The following STAG1 variants were observed in gnomAD, a reference collection of about 807,000 sequenced individuals.
STAG1 encodes cohesin subunit SA-1.
In STAG1, 26 loss-of-function variants were observed where a neutral mutation model predicts 170.9. The ratio of observed to expected loss-of-function variants is 0.15; its 90% CI spans 0.11 to 0.21. The LOEUF (loss-of-function observed/expected upper bound fraction) is 0.21, where lower values mean the gene tolerates loss of function less well. Among genes scored for constraint, STAG1 ranks in the 10% least tolerant of loss-of-function variants. The pLI, the probability that STAG1 is intolerant of heterozygous loss-of-function variation, is 1.00. For synonymous variants in STAG1, 514 were observed against 497.7 expected, an observed-to-expected ratio of 1.03 and a Z score of -0.44; for missense variants, 964 against 1,509.5, an observed-to-expected ratio of 0.64 and a Z score of 5.99.
intron 1 of STAG1, among the ~76,000 whole-genome samples, chr3:136,712,820 G>A (rs1943421072): frequency 6.6e-6 from 1 of 152,256 alleles, no homozygotes; most frequent in African/African-American, 2.4e-5. Flanking sequence ...GCCGGGCACG[G>A]TGGCTCATGC....
At chr3:136,714,600 C>T (rs1321250296) in intron 1 of STAG1, among the ~76,000 whole-genome samples, 2 of 151,902 alleles carry the variant, frequency 1.3e-5, no homozygotes, top group Non-Finnish European at 2.9e-5. Flanking sequence ...TGGTGGCGGG[C>T]GCCTGTAGTC....
At chr3:136,654,543 G>A (rs564795826) in intron 1 of STAG1, among the ~76,000 whole-genome samples, 3 of 152,278 alleles carry the variant, frequency 2.0e-5, no homozygotes, top group Admixed American at 1.3e-4. Flanking sequence ...CTTTTTAAAT[G>A]TATCAATACT....
intron 12 of STAG1, among the ~76,000 whole-genome samples, chr3:136,466,472 G>A (rs955616413): frequency 6.6e-5 from 10 of 152,080 alleles, no homozygotes; most frequent in South Asian, 4.1e-4. Context: ...AAAAAGAAAC[G>A]AACAAAGCCT....
At chr3:136,641,711 A>T (rs1940805039) in intron 1 of STAG1, among the ~76,000 whole-genome samples, 2 of 152,230 alleles carry the variant, frequency 1.3e-5, no homozygotes, top group African/African-American at 4.8e-5. Context: ...ACACTGGATC[A>T]TGCACCAGAA....
At chr3:136,628,903 G>A (rs534572186) in intron 2 of STAG1, among the ~76,000 whole-genome samples, 6 of 152,254 alleles carry the variant, frequency 3.9e-5, no homozygotes, top group Non-Finnish European at 8.8e-5. Context: ...ATCTAAGTAA[G>A]CCAAGAAATA....
chr3:136,418,000 TA>T (rs747128950), intron 20 of STAG1, 28 bp from the exon 21 acceptor site: 1 of 1,521,120 alleles, frequency 6.6e-7, no homozygotes, highest in Non-Finnish European at 9.1e-7. Flanking sequence ...GCATCTGTTT[TA>T]TTCTAGAATG....
At chr3:136,527,505 T>C (rs1388924531) in intron 6 of STAG1, among the ~76,000 whole-genome samples, 1 of 152,158 alleles carries the variant, frequency 6.6e-6, no homozygotes, top group African/African-American at 2.4e-5. Context: ...CAGTCTTTTT[T>C]TGGTTTTCAG....
chr3:136,699,839 C>T (rs1942999324), intron 1 of STAG1, among the ~76,000 whole-genome samples: 1 of 151,836 alleles, frequency 6.6e-6, no homozygotes, highest in South Asian at 2.1e-4. Flanking sequence ...ATATACAAAA[C>T]GATCACTTCC....
chr3:136,748,737 G>A (rs529862013), intron 1 of STAG1, among the ~76,000 whole-genome samples: 11 of 152,190 alleles, frequency 7.2e-5, no homozygotes, highest in African/African-American at 2.6e-4. Context: ...TTAAAAAGGT[G>A]TTCTTAGTGG....
At chr3:136,635,852 AAC>A (rs1353415531) in intron 1 of STAG1, among the ~76,000 whole-genome samples, 41 of 152,262 alleles carry the variant, frequency 2.7e-4, no homozygotes, top group African/African-American at 7.2e-5. Flanking sequence ...TTAAATGAAA[AAC>A]ACAGTATCAT....
intron 1 of STAG1, among the ~76,000 whole-genome samples, chr3:136,731,869 TTATCAGCTAG>T (rs1934062547): frequency 6.6e-6 from 1 of 152,202 alleles, no homozygotes; most frequent in Admixed American, 6.5e-5. Flanking sequence ...GCCTGTGCAC[TTATCAGCTAG>T]TGGAAAGCAT....
At chr3:136,747,777 ATT>A (rs755574502) in intron 1 of STAG1, among the ~76,000 whole-genome samples, 9 of 143,646 alleles carry the variant, frequency 6.3e-5, no homozygotes, top group Admixed American at 7.0e-5. Context: ...GAATTACGTA[ATT>A]TTTTTTTTTT....
chr3:136,562,174 T>C (rs1336667489), intron 5 of STAG1, among the ~76,000 whole-genome samples: 2 of 152,214 alleles, frequency 1.3e-5, no homozygotes, highest in Non-Finnish European at 2.9e-5. Context: ...AATAACGTCC[T>C]TTATGCCAAA....
At chr3:136,397,553 A>C (rs2087202646) in intron 22 of STAG1, among the ~76,000 whole-genome samples, 1 of 152,112 alleles carries the variant, frequency 6.6e-6, no homozygotes, top group South Asian at 2.1e-4. Context: ...CCCCATTTTA[A>C]TCAATGACAA....
At chr3:136,525,099 G>C (rs1934934617) in intron 6 of STAG1, among the ~76,000 whole-genome samples, 1 of 152,186 alleles carries the variant, frequency 6.6e-6, no homozygotes, top group Non-Finnish European at 1.5e-5. Flanking sequence ...TCAAGATGAT[G>C]CTGGCCTTAT....
At chr3:136,462,089 T>TG (rs1271525823) in intron 13 of STAG1, among the ~76,000 whole-genome samples, 27 of 152,086 alleles carry the variant, frequency 1.8e-4, no homozygotes, top group Admixed American at 2.6e-4. Context: ...GCTAGTACAC[T>TG]GTTGGTGGGA....
In STAG1 at chr3:136,366,923, A is replaced by G. The variant is rs1285677814; in HGVS notation, c.2685+20T>C. 28 of 1,525,808 alleles carry G rather than the reference A, an allele frequency of 1.8e-5. No homozygotes were observed. Among genetic ancestry groups the G allele is most frequent in the Non-Finnish European group, 2.5e-5 (28 of 1,127,778 alleles). The allele number at this position is 1,525,808 out of a possible 1,614,324, so 94.5% of individuals were successfully genotyped here. ...TCTGCCAGTTAGAGGAAGGAGAAAAATAAGAATATTTAACTATACCTTCAT... is the reference window on the plus strand; with the variant it reads ...TCTGCCAGTTAGAGGAAGGAGAAAAGTAAGAATATTTAACTATACCTTCAT... On this transcript the variant is annotated intron_variant, in intron 25 of 33. Coordinates refer to ENST00000383202, the MANE Select transcript of STAG1 (RefSeq NM_005862.3).
At chr3:136,388,493 T>C (rs2086925645) in intron 22 of STAG1, among the ~76,000 whole-genome samples, 1 of 152,044 alleles carries the variant, frequency 6.6e-6, no homozygotes, top group Non-Finnish European at 1.5e-5. Context: ...CTCAGCCTCC[T>C]GAGTAGCTGG....
intron 1 of STAG1, among the ~76,000 whole-genome samples, chr3:136,751,776 C>A (rs2107963505): frequency 6.6e-6 from 1 of 150,922 alleles, no homozygotes; most frequent in Middle Eastern, 3.5e-3. Flanking sequence ...GGCCCGGCCC[C>A]GCTGGGCGCG....
Sources: allele counts gnomAD v4.1 joint callset (sites outside exome capture counted in the v4.1 genomes callset), GRCh38; gene constraint gnomAD v4.1.1; transcripts MANE v1.5; gene names NCBI Gene and HGNC (gene_info 2026-07-23, HGNC 2026-07-21).